The following SLCO5A1 variants were observed in gnomAD, a reference collection of about 807,000 sequenced individuals.
SLCO5A1 encodes organic anion transporter polypeptide-related protein 4.
SLCO5A1 carries 39 observed loss-of-function variants against 65.1 expected under a neutral mutation model. The observed-to-expected ratio is 0.60, with a 90% CI of 0.46 to 0.78. The LOEUF (loss-of-function observed/expected upper bound fraction) is 0.78. Ranked by LOEUF, SLCO5A1 falls within the 30% of genes least tolerant of loss-of-function variation. The probability of loss-of-function intolerance (pLI) is 0.00; values close to 1 mark genes in which losing one functional copy is unlikely to be tolerated. For missense variants in SLCO5A1, 1,029 were observed against 1,069.4 expected, an observed-to-expected ratio of 0.96 and a Z score of 0.53; for synonymous variants, 438 against 415.7, an observed-to-expected ratio of 1.05 and a Z score of -0.65.
At chr8:69,786,760 G>A (rs1819056091) in intron 2 of SLCO5A1, among the ~76,000 whole-genome samples, 2 of 152,154 alleles carry the variant, frequency 1.3e-5, no homozygotes, top group East Asian at 3.8e-4. Flanking sequence ...ATCTTGCGTA[G>A]AACTGTCTAG....
At chr8:69,753,811 G>A (rs1345208502) in intron 4 of SLCO5A1, among the ~76,000 whole-genome samples, 2 of 151,278 alleles carry the variant, frequency 1.3e-5, no homozygotes, top group African/African-American at 2.4e-5. Flanking sequence ...AGGAGCTCGA[G>A]ACCAGCCTGG....
At chr8:69,707,720 G>A (rs745409494) in intron 5 of SLCO5A1, among the ~76,000 whole-genome samples, 8 of 152,180 alleles carry the variant, frequency 5.3e-5, no homozygotes, top group African/African-American at 1.2e-4. Flanking sequence ...GAGGATGACC[G>A]CAAAGGTCCT....
At position 69,672,772 on chromosome 8, in the gene SLCO5A1, G is replaced by A. The variant is rs1813378353; in HGVS notation, c.*97C>T. On this transcript the variant is annotated 3_prime_UTR_variant, in exon 10 of 10. Coordinates refer to ENST00000260126, the MANE Select transcript of SLCO5A1 (RefSeq NM_030958.3). ...TTGGTTTGAGGATTGTGTCTGTAGA[G>A]GTTAAAAAAAAGAAAGAAAGAAAAG... 3 of 1,319,186 alleles carry A rather than the reference G, an allele frequency of 2.3e-6. No individual in the cohort carries two copies. The highest frequency in any genetic ancestry group is 2.7e-4 in the Middle Eastern group (1 of 3,730). 81.7% of individuals were successfully genotyped at this position (1,319,186 alleles called of 1,614,324 possible).
At chr8:69,829,609 C>T (rs956005833) in intron 2 of SLCO5A1, among the ~76,000 whole-genome samples, 1 of 152,120 alleles carries the variant, frequency 6.6e-6, no homozygotes, top group South Asian at 2.1e-4. Context: ...ATCTGGGAGG[C>T]AGAAGTTGCA....
At chr8:69,787,317 C>T (rs1184898193) in intron 2 of SLCO5A1, among the ~76,000 whole-genome samples, 1 of 152,208 alleles carries the variant, frequency 6.6e-6, no homozygotes, top group African/African-American at 2.4e-5. Flanking sequence ...GCCACATGAT[C>T]GTTGCAATTG....
intron 5 of SLCO5A1, among the ~76,000 whole-genome samples, chr8:69,727,908 C>A (rs1816156155): frequency 6.6e-6 from 1 of 152,170 alleles, no homozygotes; most frequent in Non-Finnish European, 1.5e-5. Context: ...TCTGCCAGCG[C>A]AAACGCAAAC....
chr8:69,706,567 C>T (rs985244386), intron 5 of SLCO5A1, among the ~76,000 whole-genome samples: 1 of 152,146 alleles, frequency 6.6e-6, no homozygotes, highest in Admixed American at 6.5e-5. Flanking sequence ...AAAGAGCTAC[C>T]TCACCTTTCC....
intron 2 of SLCO5A1, among the ~76,000 whole-genome samples, chr8:69,767,940 T>G (rs1268351457): frequency 6.7e-6 from 1 of 150,174 alleles, no homozygotes; most frequent in Non-Finnish European, 1.5e-5. Flanking sequence ...GAATAAGCTG[T>G]TTTAGGCCAG....
At chr8:69,800,391 C>G (rs1464468066) in intron 2 of SLCO5A1, among the ~76,000 whole-genome samples, 1 of 151,732 alleles carries the variant, frequency 6.6e-6, no homozygotes, top group African/African-American at 2.4e-5. Context: ...TAGCATACTG[C>G]CTCTTGCATG....
At chr8:69,810,775 A>G (rs1274680795) in intron 2 of SLCO5A1, among the ~76,000 whole-genome samples, 2 of 152,224 alleles carry the variant, frequency 1.3e-5, no homozygotes, top group East Asian at 3.8e-4. Flanking sequence ...ATAAACAAGA[A>G]TTAAAAGAAA....
At position 69,761,677 on chromosome 8, in the gene SLCO5A1, AG is replaced by A. The variant is rs900892527; in HGVS notation, c.1040+65del. On this transcript the variant is annotated intron_variant, in intron 3 of 9. Transcript: ENST00000260126. Reference sequence around the variant, plus strand: ...CCCCATTGGAAAAATTTTAAATACAAGTGTACCATGACTTTAACTATTATTA... The same window carrying A: ...CCCCATTGGAAAAATTTTAAATACAATGTACCATGACTTTAACTATTATTA... 33 of 1,552,362 alleles carry A rather than the reference AG, an allele frequency of 2.1e-5. No homozygotes were observed. In the African/African-American group the frequency reaches 3.2e-4, roughly 15 times the overall value.
At chr8:69,704,144 T>C (rs967176807) in intron 6 of SLCO5A1, among the ~76,000 whole-genome samples, 8 of 152,194 alleles carry the variant, frequency 5.3e-5, no homozygotes, top group Admixed American at 2.0e-4. Flanking sequence ...CAAGTTATTC[T>C]CCTGCGTCAG....
intron 7 of SLCO5A1, among the ~76,000 whole-genome samples, chr8:69,680,004 A>C (rs1342582734): frequency 6.6e-6 from 1 of 152,230 alleles, no homozygotes; most frequent in African/African-American, 2.4e-5. Context: ...CTCACAGAGC[A>C]CCTAGCACAA....
At chr8:69,673,995 C>G (rs1349028370) in intron 9 of SLCO5A1, among the ~76,000 whole-genome samples, 1 of 152,072 alleles carries the variant, frequency 6.6e-6, no homozygotes, top group Non-Finnish European at 1.5e-5. Context: ...TAGACATTTC[C>G]TTAATCCAAT....
intron 4 of SLCO5A1, among the ~76,000 whole-genome samples, chr8:69,743,858 G>A (rs540692397): frequency 6.6e-6 from 1 of 152,286 alleles, no homozygotes; most frequent in Non-Finnish European, 1.5e-5. Flanking sequence ...CCTTGGCTTT[G>A]TTTCCCTTGG....
At chr8:69,761,539 G>C (rs149920184) in intron 3 of SLCO5A1, 3 of 563,206 alleles carry the variant, frequency 5.3e-6, no homozygotes, top group Non-Finnish European at 9.3e-6. Flanking sequence ...AGTCCCTCTT[G>C]CCATGTAAGA....
At chr8:69,771,886 T>C (rs766536514) in intron 2 of SLCO5A1, among the ~76,000 whole-genome samples, 3 of 152,248 alleles carry the variant, frequency 2.0e-5, no homozygotes, top group Non-Finnish European at 4.4e-5. Flanking sequence ...AGTTCTCTGA[T>C]GAATAACTGC....
chr8:69,799,923 T>C (rs1191916586), intron 2 of SLCO5A1, among the ~76,000 whole-genome samples: 3 of 152,222 alleles, frequency 2.0e-5, no homozygotes, highest in African/African-American at 7.2e-5. Context: ...TTTTCTTTTT[T>C]GTATTTTTCT....
chr8:69,768,969 G>A (rs980918707), intron 2 of SLCO5A1, among the ~76,000 whole-genome samples: 2 of 152,102 alleles, frequency 1.3e-5, no homozygotes, highest in African/African-American at 4.8e-5. Context: ...TCCTGACTGT[G>A]CTTCCACCCC....
Sources: allele counts gnomAD v4.1 joint callset (sites outside exome capture counted in the v4.1 genomes callset), GRCh38; gene constraint gnomAD v4.1.1; transcripts MANE v1.5; gene names NCBI Gene and HGNC (gene_info 2026-07-23, HGNC 2026-07-21).